The following KCNIP4 variants were observed in gnomAD, a reference collection of about 807,000 sequenced individuals.
KCNIP4 encodes the protein Kv channel-interacting protein 4.
KCNIP4 carries 12 observed loss-of-function variants against 34.0 expected under a neutral mutation model. The observed-to-expected ratio is 0.35, with a 90% CI of 0.23 to 0.57. The LOEUF (loss-of-function observed/expected upper bound fraction) is 0.57, where lower values mean the gene tolerates loss of function less well. KCNIP4 is among the 20% of genes least tolerant of loss of function. The pLI is 0.83. For synonymous variants in KCNIP4, 124 were observed against 102.2 expected (o/e 1.21, Z -1.29); for missense variants, 238 against 311.7 (o/e 0.76, Z 1.78).
chr4:20,757,576 A>G (rs1166618260), intron 4 of KCNIP4, among the ~76,000 whole-genome samples: 2 of 152,216 alleles, frequency 1.3e-5, no homozygotes, highest in Admixed American at 6.5e-5. Flanking sequence ...GCAAATGCCC[A>G]TCTTCAGTTC....
intron 1 of KCNIP4, among the ~76,000 whole-genome samples, chr4:21,275,821 G>C (rs1762402841): frequency 6.6e-6 from 1 of 152,150 alleles, no homozygotes; most frequent in Admixed American, 6.5e-5. Context: ...TCATGCATGA[G>C]GGTCAAGCAG....
chr4:21,767,798 A>C (rs1403319347), intron 1 of KCNIP4, among the ~76,000 whole-genome samples: 1 of 152,136 alleles, frequency 6.6e-6, no homozygotes, highest in African/African-American at 2.4e-5. Flanking sequence ...ACCTGAAAGC[A>C]AGCATCAAAT....
intron 1 of KCNIP4, among the ~76,000 whole-genome samples, chr4:21,492,016 C>A (rs527972543): frequency 6.6e-6 from 1 of 152,080 alleles, no homozygotes; most frequent in Non-Finnish European, 1.5e-5. Context: ...ATTTTACCTC[C>A]AAAGATAGAT....
At chr4:21,778,832 C>T (rs572271572) in intron 1 of KCNIP4, among the ~76,000 whole-genome samples, 11 of 152,232 alleles carry the variant, frequency 7.2e-5, no homozygotes, top group African/African-American at 2.6e-4. Flanking sequence ...ACTCTGTCTC[C>T]AGGCTACCTA....
At chr4:21,620,712 C>T (rs1228583753) in intron 1 of KCNIP4, among the ~76,000 whole-genome samples, 1 of 152,210 alleles carries the variant, frequency 6.6e-6, no homozygotes, top group African/African-American at 2.4e-5. Flanking sequence ...TAAGCCCAAA[C>T]TGTCTTATTA....
chr4:21,729,118 T>TG (rs1715406422), intron 1 of KCNIP4, among the ~76,000 whole-genome samples: 2 of 152,160 alleles, frequency 1.3e-5, no homozygotes, highest in African/African-American at 4.8e-5. Flanking sequence ...TGCTAAGTGC[T>TG]TAAATCTGAG....
chr4:21,390,894 T>C (rs918829576), intron 1 of KCNIP4, among the ~76,000 whole-genome samples: 1 of 152,190 alleles, frequency 6.6e-6, no homozygotes, highest in Non-Finnish European at 1.5e-5. Context: ...GTCAGATATT[T>C]TTCCAAAGTA....
At chr4:21,103,759 A>T (rs1290850554) in intron 1 of KCNIP4, among the ~76,000 whole-genome samples, 5 of 85,790 alleles carry the variant, frequency 5.8e-5, no homozygotes, top group Admixed American at 5.2e-4. Context: ...AACAGGCCCC[A>T]GAGTGTGATG....
chr4:21,149,678 G>A (rs555748297), intron 1 of KCNIP4, among the ~76,000 whole-genome samples: 33 of 152,276 alleles, frequency 2.2e-4, no homozygotes, highest in Non-Finnish European at 4.0e-4. Flanking sequence ...TGTTAGGAAG[G>A]AAGCTTTGGT....
chr4:21,242,279 C>A (rs1370472615), intron 1 of KCNIP4, among the ~76,000 whole-genome samples: 2 of 150,896 alleles, frequency 1.3e-5, no homozygotes, highest in Non-Finnish European at 2.9e-5. Context: ...ACATCGATAA[C>A]CCAAAACAAC....
chr4:21,294,337 T>G (rs1454013035), intron 1 of KCNIP4, among the ~76,000 whole-genome samples: 1 of 152,100 alleles, frequency 6.6e-6, no homozygotes, highest in Non-Finnish European at 1.5e-5. Context: ...GGGCCCTAAC[T>G]CCCTGCTGAA....
At chr4:21,437,100 G>T (rs963597625) in intron 1 of KCNIP4, among the ~76,000 whole-genome samples, 3 of 152,104 alleles carry the variant, frequency 2.0e-5, no homozygotes, top group Admixed American at 1.3e-4. Flanking sequence ...ATATTAGAAT[G>T]CTCAGCAATG....
chr4:20,751,423 A>C (rs1264982740), intron 4 of KCNIP4, among the ~76,000 whole-genome samples: 2 of 152,156 alleles, frequency 1.3e-5, no homozygotes, highest in African/African-American at 4.8e-5. Context: ...AGCCTATTTC[A>C]ACTTGCAAAG....
At chr4:21,645,167 G>A (rs1746919204) in intron 1 of KCNIP4, among the ~76,000 whole-genome samples, 1 of 152,108 alleles carries the variant, frequency 6.6e-6, no homozygotes, top group Non-Finnish European at 1.5e-5. Context: ...TAGCTGGAAT[G>A]TGTTGCAAAC....
chr4:20,950,219 G>C (rs1209286784), intron 1 of KCNIP4, among the ~76,000 whole-genome samples: 1 of 151,094 alleles, frequency 6.6e-6, no homozygotes, highest in Non-Finnish European at 1.5e-5. Flanking sequence ...ACAGCTATTA[G>C]CTAGCATGGA....
intron 1 of KCNIP4, among the ~76,000 whole-genome samples, chr4:21,899,178 C>A (rs1163665498): frequency 6.6e-6 from 1 of 152,048 alleles, no homozygotes; most frequent in Admixed American, 6.6e-5. Flanking sequence ...GAATGAAGAG[C>A]AAAATCCAAA....
chr4:21,014,211 A>G (rs79210585), intron 1 of KCNIP4, among the ~76,000 whole-genome samples: 4,753 of 152,262 alleles, frequency 0.031, 241 homozygotes, highest in African/African-American at 0.1. Context: ...ATTTATCTTC[A>G]CATCCAAGAG....
intron 1 of KCNIP4, among the ~76,000 whole-genome samples, chr4:20,925,240 C>T (rs968708417): frequency 7.9e-5 from 12 of 152,080 alleles, no homozygotes; most frequent in Middle Eastern, 3.2e-3. Flanking sequence ...TGAATCAGAG[C>T]AACTCCATCC....
At chr4:20,748,843 A>G (rs559882830) in intron 5 of KCNIP4, among the ~76,000 whole-genome samples, 19 of 149,280 alleles carry the variant, frequency 1.3e-4, no homozygotes, top group Admixed American at 6.7e-4. Context: ...ATGATCTGCT[A>G]TTTACCATTT....
Sources: allele counts gnomAD v4.1 joint callset (sites outside exome capture counted in the v4.1 genomes callset), GRCh38; gene constraint gnomAD v4.1.1; transcripts MANE v1.5; gene names NCBI Gene and HGNC (gene_info 2026-07-23, HGNC 2026-07-21).